ARID1B: variants seen among roughly 807,000 people sequenced by gnomAD.
The protein encoded by ARID1B is AT-rich interactive domain-containing protein 1B.
Under a neutral mutation model 212.3 loss-of-function variants are expected in ARID1B, and 30 were observed. The ratio of observed to expected loss-of-function variants is 0.14; its 90% confidence interval spans 0.11 to 0.19. The LOEUF is 0.19. Among genes scored for constraint, ARID1B ranks in the 10% least tolerant of loss-of-function variants. The pLI, the probability that ARID1B is intolerant of heterozygous loss-of-function variation, is 1.00. For missense variants in ARID1B, 2,891 were observed against 3,204.0 expected, an observed-to-expected ratio of 0.90 and a Z score of 2.36; for synonymous variants, 1,402 against 1,301.7, an observed-to-expected ratio of 1.08 and a Z score of -1.66.
At chr6:156,924,837 G>A (rs1040568748) in intron 3 of ARID1B, among the ~76,000 whole-genome samples, 2 of 152,110 alleles carry the variant, frequency 1.3e-5, no homozygotes, top group African/African-American at 4.8e-5. Flanking sequence ...AGTATAGAGA[G>A]CAGAACATTT....
chr6:157,067,063 G>A (rs545025425), intron 4 of ARID1B, among the ~76,000 whole-genome samples: 1 of 151,980 alleles, frequency 6.6e-6, no homozygotes, highest in African/African-American at 2.4e-5. Context: ...GGGCTGTCAG[G>A]ATAAAAAAAA....
At chr6:156,951,844 A>T (rs1009050267) in intron 4 of ARID1B, among the ~76,000 whole-genome samples, 5 of 152,228 alleles carry the variant, frequency 3.3e-5, no homozygotes, top group Admixed American at 3.3e-4. Context: ...ATAGTGAATA[A>T]TGAGTCCAAA....
At chr6:156,873,453 A>G (rs1364051667) in intron 2 of ARID1B, among the ~76,000 whole-genome samples, 1 of 152,216 alleles carries the variant, frequency 6.6e-6, no homozygotes, top group Non-Finnish European at 1.5e-5. Flanking sequence ...TTTAGTCACA[A>G]ATATTTTTGT....
At chr6:157,091,153 G>A (rs373593953) in intron 5 of ARID1B, among the ~76,000 whole-genome samples, 1 of 152,166 alleles carries the variant, frequency 6.6e-6, no homozygotes, top group East Asian at 1.9e-4. Context: ...TTCCTTTATA[G>A]TGGAGCCTAA....
rs1317545135 is a variant in ARID1B, at chr6:157,201,278, T to C, written c.5053T>C (p.Ser1685Pro). Residue 1685 changes from serine to proline, a missense_variant, in exon 18 of 20, where the codon TCC becomes CCC. Ser to Pro is a moderately conservative substitution (Grantham distance 74). Coordinates refer to ENST00000636930, the MANE Select transcript of ARID1B (RefSeq NM_001374828.1). The surrounding 1 kb of genome is among the most constrained non-coding windows in gnomAD (Gnocchi z 5.2). ...GCCCAGCCCAGCGTCCTTCCAGCGC[T>C]CCCTGGAGAACCGCATGTCTCCAAG... ...RAPSPASFQR[S>P]LENRMSPSKS... 6.2e-7 allele frequency: 1 copy of C among 1,613,978 alleles called. No individual in the cohort carries two copies. The highest frequency in any genetic ancestry group is 8.5e-7 in the Non-Finnish European group (1 of 1,180,028).
At chr6:157,070,079 C>A (rs1235185944) in intron 4 of ARID1B, among the ~76,000 whole-genome samples, 2 of 152,040 alleles carry the variant, frequency 1.3e-5, no homozygotes, top group Non-Finnish European at 2.9e-5. Flanking sequence ...GGAAATATGG[C>A]AAAATGTTAC....
At chr6:156,898,700 G>A (rs1788685285) in intron 2 of ARID1B, among the ~76,000 whole-genome samples, 1 of 152,142 alleles carries the variant, frequency 6.6e-6, no homozygotes, top group African/African-American at 2.4e-5. Context: ...AGCAGGGTGC[G>A]GTGACTCACA....
chr6:157,083,204 A>G lies in ARID1B; in HGVS notation c.2248-1458A>G, dbSNP rs141134071. ...TGCAAGCAGTGAGGTAAAATTTAAC[A>G]TTGATAAAATTTAGAGGGTGGAGAT... is the stretch of plus-strand genomic sequence containing the variant. On this transcript the variant is annotated intron_variant, in intron 4 of 19. Coordinates refer to ENST00000636930, the MANE Select transcript of ARID1B (RefSeq NM_001374828.1). Among the ~76,000 whole-genome samples, 19 of 152,342 alleles carry G rather than the reference A, an allele frequency of 1.2e-4. No individual in the cohort carries two copies. The East Asian group carries it at 3.7e-3, about 29-fold the overall frequency.
chr6:157,042,019 C>T (rs926547110), intron 4 of ARID1B, among the ~76,000 whole-genome samples: 2 of 152,188 alleles, frequency 1.3e-5, no homozygotes, highest in African/African-American at 4.8e-5. Flanking sequence ...GATTCACCTC[C>T]TACAGGTCTG....
At chr6:157,125,184 G>A (rs930632406) in intron 6 of ARID1B, among the ~76,000 whole-genome samples, 1 of 152,180 alleles carries the variant, frequency 6.6e-6, no homozygotes, top group African/African-American at 2.4e-5. Flanking sequence ...AGATATCTGC[G>A]AGATGCAGAA....
At chr6:156,993,565 A>G (rs983096946) in intron 4 of ARID1B, among the ~76,000 whole-genome samples, 7 of 152,194 alleles carry the variant, frequency 4.6e-5, no homozygotes, top group African/African-American at 1.2e-4. Flanking sequence ...TAAGGCTATG[A>G]TATTATACTA....
intron 5 of ARID1B, among the ~76,000 whole-genome samples, chr6:157,105,302 A>G (rs564032831): frequency 7.5e-4 from 114 of 152,338 alleles, no homozygotes; most frequent in African/African-American, 2.6e-3. Context: ...GGCAATAAAA[A>G]TAAAGACTGA....
intron 2 of ARID1B, among the ~76,000 whole-genome samples, chr6:156,894,497 A>T (rs970112911): frequency 6.6e-6 from 1 of 152,242 alleles, no homozygotes; most frequent in Non-Finnish European, 1.5e-5. Flanking sequence ...AGCACAATTA[A>T]AAAAGGTCTT....
chr6:157,097,257 T>C (rs1423574225), intron 5 of ARID1B, among the ~76,000 whole-genome samples: 1 of 152,206 alleles, frequency 6.6e-6, no homozygotes, highest in African/African-American at 2.4e-5. Flanking sequence ...AATGGAGAAT[T>C]TATAGAAACC....
intron 3 of ARID1B, among the ~76,000 whole-genome samples, chr6:156,934,340 A>G (rs192346643): frequency 4.7e-4 from 71 of 152,262 alleles, no homozygotes; most frequent in African/African-American, 1.5e-3. Context: ...GTATACAGTA[A>G]ATGTGGTGTG....
At chr6:157,030,773 T>G (rs1241785310) in intron 4 of ARID1B, among the ~76,000 whole-genome samples, 1 of 152,244 alleles carries the variant, frequency 6.6e-6, no homozygotes, top group Non-Finnish European at 1.5e-5. Context: ...AGTACTAAGT[T>G]TATCAAATGC....
At chr6:156,805,813 T>TCA (rs1781115993) in intron 1 of ARID1B, among the ~76,000 whole-genome samples, 1 of 152,082 alleles carries the variant, frequency 6.6e-6, no homozygotes, top group Admixed American at 6.6e-5. Context: ...GTAGCTGGAA[T>TCA]CACAGATGCG....
chr6:157,141,824 T>G (rs1789377539), intron 7 of ARID1B, among the ~76,000 whole-genome samples: 1 of 152,176 alleles, frequency 6.6e-6, no homozygotes, highest in Non-Finnish European at 1.5e-5. Flanking sequence ...TCACACAGTA[T>G]TTGATGGGAA....
intron 2 of ARID1B, among the ~76,000 whole-genome samples, chr6:156,844,337 C>A (rs287901): frequency 0.61 from 92,348 of 152,072 alleles, 28,406 homozygotes; most frequent in Non-Finnish European, 0.66. Flanking sequence ...AAAATTCCTA[C>A]TCTGTCTGTG....
Sources: gnomAD v4.1 joint callset for allele counts (sites outside exome capture counted in the v4.1 genomes callset) on GRCh38, gnomAD v4.1.1 for gene constraint, Gnocchi (gnomAD v3.1) non-coding constraint, MANE v1.5 for transcripts, NCBI Gene and HGNC (gene_info 2026-07-23, HGNC 2026-07-21) for gene names.